The following NELL1 variants were observed in gnomAD, a reference collection of about 807,000 sequenced individuals.
NELL1 encodes the protein neural EGFL like 1.
Under a neutral mutation model 107.4 loss-of-function variants are expected in NELL1, and 76 were observed. The observed-to-expected ratio is 0.71, with a 90% CI of 0.59 to 0.86. The LOEUF is 0.86. Ranked by LOEUF, NELL1 falls within the 40% of genes least tolerant of loss-of-function variation. The pLI, the probability that NELL1 is intolerant of heterozygous loss-of-function variation, is 0.00. For missense variants in NELL1, 1,024 were observed against 1,005.5 expected, an observed-to-expected ratio of 1.02 and a Z score of -0.25; for synonymous variants, 353 against 341.2, an observed-to-expected ratio of 1.03 and a Z score of -0.38.
Position 21,382,657 on chromosome 11 carries a change from T to C in NELL1, c.1645+11709T>C, listed in dbSNP as rs554441269. 5.3e-5 allele frequency among the ~76,000 whole-genome samples: 8 copies of C among 152,032 alleles called. No individual in the cohort carries two copies. The South Asian group carries it at 1.7e-3, about 32-fold the overall frequency. Reference sequence around the variant, plus strand: ...TTCAAATAGCTTTGTCAGTCCACCTTTCCATAGGGCCCTTTGTAACTTTAC... The same window carrying C: ...TTCAAATAGCTTTGTCAGTCCACCTCTCCATAGGGCCCTTTGTAACTTTAC... On this transcript the variant is annotated intron_variant, in intron 15 of 19. Transcript: ENST00000357134.
intron 15 of NELL1, among the ~76,000 whole-genome samples, chr11:21,460,943 G>A (rs1371169081): frequency 1.3e-5 from 2 of 152,048 alleles, no homozygotes; most frequent in Non-Finnish European, 2.9e-5. Context: ...TCTACAGGAA[G>A]AATTATTGAC....
chr11:21,306,323 C>T (rs1462445166), intron 14 of NELL1, among the ~76,000 whole-genome samples: 1 of 152,006 alleles, frequency 6.6e-6, no homozygotes, highest in Admixed American at 6.6e-5. Flanking sequence ...AATGGAACAT[C>T]TGGTAGAGTA....
intron 14 of NELL1, among the ~76,000 whole-genome samples, chr11:21,313,103 G>C (rs1214752780): frequency 6.6e-6 from 1 of 151,736 alleles, no homozygotes; most frequent in Non-Finnish European, 1.5e-5. Flanking sequence ...TAAAAATCAT[G>C]AGACAGATCC....
At chr11:21,347,397 G>C (rs1393719083) in intron 14 of NELL1, among the ~76,000 whole-genome samples, 3 of 152,186 alleles carry the variant, frequency 2.0e-5, no homozygotes, top group African/African-American at 7.2e-5. Flanking sequence ...GAGGTCGGGA[G>C]TTTGAGACCA....
intron 15 of NELL1, among the ~76,000 whole-genome samples, chr11:21,428,840 A>T (rs183465117): frequency 2.6e-5 from 4 of 152,298 alleles, no homozygotes; most frequent in African/African-American, 7.2e-5. Context: ...GGAGTTCTGG[A>T]AAGTGTGAAA....
At chr11:21,373,921 T>C (rs530808579) in intron 15 of NELL1, among the ~76,000 whole-genome samples, 1 of 152,218 alleles carries the variant, frequency 6.6e-6, no homozygotes, top group South Asian at 2.1e-4. Context: ...TTTGCCACTC[T>C]TAGGATGGAA....
At chr11:21,313,197 T>TCTA (rs1849788570) in intron 14 of NELL1, among the ~76,000 whole-genome samples, 1 of 152,176 alleles carries the variant, frequency 6.6e-6, no homozygotes, top group African/African-American at 2.4e-5. Flanking sequence ...ATGAGAAAGA[T>TCTA]AGAAGAGCTT....
chr11:21,497,722 C>G (rs568024344), intron 15 of NELL1, among the ~76,000 whole-genome samples: 9 of 151,838 alleles, frequency 5.9e-5, no homozygotes, highest in Admixed American at 5.3e-4. Context: ...GTGTTTTTTT[C>G]TTCCTATACA....
intron 14 of NELL1, among the ~76,000 whole-genome samples, chr11:21,366,868 T>G (rs1313798976): frequency 2.6e-5 from 4 of 152,116 alleles, no homozygotes; most frequent in African/African-American, 7.2e-5. Flanking sequence ...GTCAATAAAC[T>G]TTAAGAAGAT....
At chr11:20,833,586 T>A (rs1426945316) in intron 3 of NELL1, among the ~76,000 whole-genome samples, 1 of 152,194 alleles carries the variant, frequency 6.6e-6, no homozygotes, top group Non-Finnish European at 1.5e-5. Context: ...TTCCTAAAGC[T>A]TATCCAGTGG....
At chr11:21,216,683 T>G (rs1590742076) in intron 13 of NELL1, among the ~76,000 whole-genome samples, 1 of 152,212 alleles carries the variant, frequency 6.6e-6, no homozygotes, top group South Asian at 2.1e-4. Flanking sequence ...CCCCTTTGTT[T>G]TGGCCAATTT....
chr11:21,565,803 G>A (rs2134007716), intron 17 of NELL1, among the ~76,000 whole-genome samples: 1 of 151,928 alleles, frequency 6.6e-6, no homozygotes, highest in South Asian at 2.1e-4. Context: ...TGAGATAACT[G>A]GATAAAATGA....
chr11:21,347,907 C>A (rs943874127), intron 14 of NELL1, among the ~76,000 whole-genome samples: 2 of 151,806 alleles, frequency 1.3e-5, no homozygotes, highest in African/African-American at 2.4e-5. Flanking sequence ...AGAAAAGGGG[C>A]GCATGTCTGA....
At chr11:21,284,116 C>A in intron 14 of NELL1, 1 of 394,840 alleles carries the variant, frequency 2.5e-6, no homozygotes, top group South Asian at 1.9e-5. Flanking sequence ...TTCATTGAAA[C>A]CGTGTGGCTT....
chr11:21,379,296 T>A (rs573465314), intron 15 of NELL1, among the ~76,000 whole-genome samples: 23 of 152,158 alleles, frequency 1.5e-4, no homozygotes, highest in African/African-American at 5.5e-4. Flanking sequence ...TATAAAATAA[T>A]TGGAAAAAAT....
chr11:21,409,202 T>C (rs979965366), intron 15 of NELL1, among the ~76,000 whole-genome samples: 28 of 152,084 alleles, frequency 1.8e-4, no homozygotes, highest in Middle Eastern at 3.4e-3. Flanking sequence ...CAATGATAGA[T>C]TGGATTAAGA....
At chr11:21,342,079 C>T (rs906191536) in intron 14 of NELL1, among the ~76,000 whole-genome samples, 2 of 152,102 alleles carry the variant, frequency 1.3e-5, no homozygotes, top group Non-Finnish European at 2.9e-5. Context: ...ATACCATTGT[C>T]TTCACTGTAT....
chr11:20,956,543 A>G lies in NELL1; in HGVS notation c.1172-3889A>G, dbSNP rs1243464862. On this transcript the variant is annotated intron_variant, in intron 11 of 19. Coordinates refer to ENST00000357134, the MANE Select transcript of NELL1 (RefSeq NM_006157.5). ...CGCCCGTAGTCCCGGCTACTTGGGAAGCTGAGGCAGGAGAATGGCATGAAC... is the reference window on the plus strand; with the variant it reads ...CGCCCGTAGTCCCGGCTACTTGGGAGGCTGAGGCAGGAGAATGGCATGAAC... Among the ~76,000 whole-genome samples the G allele has an allele frequency of 3.4e-5, 5 of 146,976 alleles. No homozygotes were observed. The East Asian group carries it at 1.0e-3, about 31-fold the overall frequency.
chr11:21,325,189 G>A (rs1199902680), intron 14 of NELL1, among the ~76,000 whole-genome samples: 1 of 152,004 alleles, frequency 6.6e-6, no homozygotes, highest in Non-Finnish European at 1.5e-5. Context: ...CTTGTAGTAT[G>A]ACTACTTTAA....
Sources: allele counts gnomAD v4.1 joint callset (sites outside exome capture counted in the v4.1 genomes callset), GRCh38; gene constraint gnomAD v4.1.1; transcripts MANE v1.5; gene names NCBI Gene and HGNC (gene_info 2026-07-23, HGNC 2026-07-21).